The following TRAPPC9 variants were observed in gnomAD, a reference collection of about 807,000 sequenced individuals.
TRAPPC9 encodes trafficking protein particle complex subunit 9, also known as IKK2 binding protein.
In TRAPPC9, 83 loss-of-function variants were observed where a neutral mutation model predicts 124.0. The observed-to-expected ratio is 0.67, with a 90% CI of 0.56 to 0.80. The LOEUF (loss-of-function observed/expected upper bound fraction) is 0.80. Ranked by LOEUF, TRAPPC9 falls within the 30% of genes least tolerant of loss-of-function variation. TRAPPC9 has a pLI of 0.00. For missense variants in TRAPPC9, 1,302 were observed against 1,508.3 expected, an observed-to-expected ratio of 0.86 and a Z score of 2.27; for synonymous variants, 638 against 617.5, an observed-to-expected ratio of 1.03 and a Z score of -0.49.
At chr8:140,008,299 T>C (rs1323184979) in intron 18 of TRAPPC9, among the ~76,000 whole-genome samples, 2 of 152,200 alleles carry the variant, frequency 1.3e-5, no homozygotes, top group African/African-American at 2.4e-5. Flanking sequence ...CCAGCCTCCT[T>C]TTCTCACAAA....
chr8:140,141,449 T>G (rs556105748), intron 17 of TRAPPC9, among the ~76,000 whole-genome samples: 2 of 152,104 alleles, frequency 1.3e-5, no homozygotes, highest in Non-Finnish European at 2.9e-5. Context: ...TTCAGTACTA[T>G]CCACAGTTTC....
intron 2 of TRAPPC9, among the ~76,000 whole-genome samples, chr8:140,442,490 C>T (rs908901703): frequency 4.0e-5 from 6 of 151,052 alleles, no homozygotes; most frequent in Admixed American, 2.0e-4. Context: ...CCCAGCTACT[C>T]GGGAGGCTGA....
intron 9 of TRAPPC9, among the ~76,000 whole-genome samples, chr8:140,345,339 G>A (rs1041218085): frequency 6.6e-6 from 1 of 152,214 alleles, no homozygotes; most frequent in African/African-American, 2.4e-5. Context: ...CACAAGGAAA[G>A]GCAGGAGCCA....
chr8:140,375,406 A>G (rs745411099), intron 7 of TRAPPC9, among the ~76,000 whole-genome samples: 1 of 152,184 alleles, frequency 6.6e-6, no homozygotes, highest in Non-Finnish European at 1.5e-5. Flanking sequence ...TTAACTCACC[A>G]TTCCATTTCC....
intron 16 of TRAPPC9, among the ~76,000 whole-genome samples, chr8:140,224,036 G>C (rs2063395099): frequency 6.6e-6 from 1 of 152,166 alleles, no homozygotes; most frequent in Non-Finnish European, 1.5e-5. Flanking sequence ...GGTGCCTATG[G>C]AAGACACGTA....
At chr8:140,083,171 T>G (rs770350035) in intron 17 of TRAPPC9, among the ~76,000 whole-genome samples, 1 of 149,044 alleles carries the variant, frequency 6.7e-6, no homozygotes, top group Non-Finnish European at 1.5e-5. Context: ...CCAGCCTGGG[T>G]GACAGAATGA....
At chr8:140,299,338 C>T (rs1347880070) in intron 11 of TRAPPC9, among the ~76,000 whole-genome samples, 6 of 152,054 alleles carry the variant, frequency 3.9e-5, no homozygotes, top group African/African-American at 1.2e-4. Context: ...GTCCGTAACT[C>T]GGGGTGTGGG....
At chr8:139,816,123 C>T (rs1019904919) in intron 21 of TRAPPC9, among the ~76,000 whole-genome samples, 1 of 152,194 alleles carries the variant, frequency 6.6e-6, no homozygotes, top group Admixed American at 6.5e-5. Context: ...AACCGCAGGG[C>T]ACCAGAGGGC....
intron 21 of TRAPPC9, among the ~76,000 whole-genome samples, chr8:139,864,296 C>T (rs1587020301): frequency 6.6e-6 from 1 of 152,146 alleles, no homozygotes; most frequent in East Asian, 1.9e-4. Flanking sequence ...CACGTCCGTC[C>T]TTCAATGTGA....
At chr8:140,387,579 C>G (rs957997241) in intron 7 of TRAPPC9, among the ~76,000 whole-genome samples, 4 of 152,206 alleles carry the variant, frequency 2.6e-5, no homozygotes, top group Non-Finnish European at 5.9e-5. Flanking sequence ...TGAACAGACA[C>G]TTCTCAAAAG....
intron 2 of TRAPPC9, among the ~76,000 whole-genome samples, chr8:140,442,690 C>CA (rs2071065408): frequency 6.6e-6 from 1 of 151,632 alleles, no homozygotes; most frequent in Non-Finnish European, 1.5e-5. Flanking sequence ...TATTCTAGTC[C>CA]AAAAAACAAT....
At chr8:140,176,046 T>C (rs2062063566) in intron 17 of TRAPPC9, among the ~76,000 whole-genome samples, 1 of 152,220 alleles carries the variant, frequency 6.6e-6, no homozygotes, top group Non-Finnish European at 1.5e-5. Context: ...CAACTCAGTG[T>C]GTGCTAAGTG....
At chr8:140,204,152 G>A (rs1157545885) in intron 17 of TRAPPC9, among the ~76,000 whole-genome samples, 2 of 152,124 alleles carry the variant, frequency 1.3e-5, no homozygotes, top group African/African-American at 4.8e-5. Context: ...CACTCTGTGA[G>A]TCCAAGTAAG....
At chr8:140,421,249 CATATATA>C (rs957588104) in intron 5 of TRAPPC9, among the ~76,000 whole-genome samples, 72 of 152,284 alleles carry the variant, frequency 4.7e-4, no homozygotes, top group African/African-American at 1.7e-3. Flanking sequence ...CATGAACACA[CATATATA>C]TAAAGTCTAC....
chr8:140,345,928 C>A (rs1227734347), intron 9 of TRAPPC9, among the ~76,000 whole-genome samples: 1 of 152,202 alleles, frequency 6.6e-6, no homozygotes, highest in Non-Finnish European at 1.5e-5. Context: ...GATGTGGCCA[C>A]CGTGGACATC....
chr8:140,100,445 G>A (rs1406791021), intron 17 of TRAPPC9: 2 of 152,242 alleles, frequency 1.3e-5, no homozygotes, highest in African/African-American at 2.4e-5. Context: ...GCAGGGTCGG[G>A]ACACCCAGCT....
chr8:140,295,704 A>G (rs1025716265), intron 11 of TRAPPC9, among the ~76,000 whole-genome samples: 4 of 152,198 alleles, frequency 2.6e-5, no homozygotes, highest in African/African-American at 9.7e-5. Flanking sequence ...CTTCATCTCC[A>G]AAACCCTATG....
At chr8:140,354,324 G>A (rs2067675899) in intron 9 of TRAPPC9, among the ~76,000 whole-genome samples, 1 of 152,138 alleles carries the variant, frequency 6.6e-6, no homozygotes, top group Admixed American at 6.5e-5. Context: ...CCACACACAT[G>A]GGAAGCCTCA....
intron 19 of TRAPPC9, among the ~76,000 whole-genome samples, chr8:139,920,200 G>C (rs564485154): frequency 6.6e-6 from 1 of 152,102 alleles, no homozygotes; most frequent in Admixed American, 6.5e-5. Context: ...ACAAAAATTA[G>C]CCAGGCGTGG....
Sources: allele counts gnomAD v4.1 joint callset (sites outside exome capture counted in the v4.1 genomes callset), GRCh38; gene constraint gnomAD v4.1.1; transcripts MANE v1.5; gene names NCBI Gene and HGNC (gene_info 2026-07-23, HGNC 2026-07-21).